The following NUTM2B variants were observed in gnomAD, a reference collection of about 807,000 sequenced individuals.
The protein encoded by NUTM2B is NUT family member 2B.
Under a neutral mutation model 42.4 loss-of-function variants are expected in NUTM2B, and 2 were observed. The ratio of observed to expected loss-of-function variants is 0.05; its 90% CI spans 0.02 to 0.15. The LOEUF (loss-of-function observed/expected upper bound fraction) is 0.15, where lower values mean the gene tolerates loss of function less well. Among genes scored for constraint, NUTM2B ranks in the 10% least tolerant of loss-of-function variants. NUTM2B has a pLI of 1.00. For missense variants in NUTM2B, 58 were observed against 952.6 expected, an observed-to-expected ratio of 0.06 and a Z score of 12.36; for synonymous variants, 18 against 402.4, an observed-to-expected ratio of 0.04 and a Z score of 11.43.
At chr10:79,699,521 C>T (rs531643602), upstream of NUTM2B, among the ~76,000 whole-genome samples, 1 of 152,356 alleles carries the variant, frequency 6.6e-6, no homozygotes, top group South Asian at 2.1e-4. Flanking sequence ...GGGCTCATTG[C>T]AAACTCCGCC....
the NUTM2B span, among the ~76,000 whole-genome samples, chr10:79,692,586 G>A: frequency 6.6e-6 from 1 of 152,110 alleles, no homozygotes; most frequent in African/African-American, 2.4e-5. Flanking sequence ...ACATCTTCTG[G>A]CAATGAAGCT....
the NUTM2B span, among the ~76,000 whole-genome samples, chr10:79,693,090 C>T: frequency 6.6e-6 from 1 of 152,288 alleles, no homozygotes; most frequent in African/African-American, 2.4e-5. Context: ...CACTCCATTC[C>T]CGACCCCCAG....
upstream of NUTM2B, among the ~76,000 whole-genome samples, chr10:79,701,072 T>A (rs912019991): frequency 5.9e-5 from 9 of 152,284 alleles, no homozygotes; most frequent in African/African-American, 2.2e-4. Flanking sequence ...AAGCAAAGTA[T>A]CCTCAAATTG....
At chr10:79,709,586 G>A (rs540050319) in intron 3 of NUTM2B, among the ~76,000 whole-genome samples, 4,056 of 129,930 alleles carry the variant, frequency 0.031, 800 homozygotes, top group African/African-American at 0.12. Flanking sequence ...AGGAAGCCCC[G>A]TTGATGCCAT....
At chr10:79,699,879 C>T (rs1284504270), upstream of NUTM2B, among the ~76,000 whole-genome samples, 4 of 152,164 alleles carry the variant, frequency 2.6e-5, no homozygotes, top group Non-Finnish European at 2.9e-5. Flanking sequence ...TTTTCACATA[C>T]ACAAAACCAC....
the NUTM2B span, among the ~76,000 whole-genome samples, chr10:79,696,479 C>T: frequency 1.3e-5 from 2 of 151,128 alleles, no homozygotes; most frequent in Non-Finnish European, 2.9e-5. Context: ...AACACAACCT[C>T]CTCATATATC....
At chr10:79,700,060 ATAAG>A (rs572708908), upstream of NUTM2B, among the ~76,000 whole-genome samples, 279 of 152,332 alleles carry the variant, frequency 1.8e-3, 2 homozygotes, top group African/African-American at 6.1e-3. Context: ...TAAATCCCAC[ATAAG>A]TAAGCGATTG....
At chr10:79,700,925 G>A (rs2132237279), upstream of NUTM2B, among the ~76,000 whole-genome samples, 1 of 152,306 alleles carries the variant, frequency 6.6e-6, no homozygotes, top group South Asian at 2.1e-4. Flanking sequence ...CCCCCTCATT[G>A]GAACCTCCAT....
chr10:79,695,208 A>G, the NUTM2B span, among the ~76,000 whole-genome samples: 39,231 of 151,556 alleles, frequency 0.26, 5,694 homozygotes, highest in East Asian at 0.69. Context: ...TGCTTTCCAC[A>G]AGAAGTCAGA....
chr10:79,694,926 G>T, the NUTM2B span, among the ~76,000 whole-genome samples: 1 of 151,992 alleles, frequency 6.6e-6, no homozygotes, highest in African/African-American at 2.4e-5. Flanking sequence ...GTGCAACTAA[G>T]ACCTTCACCT....
the NUTM2B span, among the ~76,000 whole-genome samples, chr10:79,692,991 A>G: frequency 6.6e-6 from 1 of 152,208 alleles, no homozygotes; most frequent in African/African-American, 2.4e-5. Flanking sequence ...TGGGCAAGGA[A>G]GGAGAGGCTG....
intron 1 of NUTM2B, 101 bp from the exon 2 acceptor site, chr10:79,705,939 CCT>C (rs1260540210): frequency 1.7e-6 from 1 of 598,372 alleles, no homozygotes; most frequent in African/African-American, 1.9e-5. Flanking sequence ...CTGCAGTTTC[CCT>C]GTCATACGCC....
the NUTM2B span, among the ~76,000 whole-genome samples, chr10:79,695,821 A>T: frequency 6.4e-4 from 97 of 151,662 alleles, no homozygotes; most frequent in Non-Finnish European, 2.1e-4. Context: ...TCTGTCTACC[A>T]GGCCCACCCA....
chr10:79,692,913 CAT>C, the NUTM2B span, among the ~76,000 whole-genome samples: 1,240 of 152,318 alleles, frequency 8.1e-3, 13 homozygotes, highest in African/African-American at 0.028. Context: ...GCAAGAAGGA[CAT>C]AGACCACTGA....
chr10:79,694,237 A>G, the NUTM2B span, among the ~76,000 whole-genome samples: 4 of 152,020 alleles, frequency 2.6e-5, no homozygotes, highest in African/African-American at 9.7e-5. Flanking sequence ...ATCTTTACTA[A>G]AAATACAAAA....
At chr10:79,698,191 C>T in the NUTM2B span, among the ~76,000 whole-genome samples, 59 of 149,898 alleles carry the variant, frequency 3.9e-4, no homozygotes, top group Admixed American at 2.9e-3. Context: ...ACAAAAACAC[C>T]AATAATACTC....
At chr10:79,702,615 T>C (rs1268817445), upstream of NUTM2B, among the ~76,000 whole-genome samples, 1 of 150,516 alleles carries the variant, frequency 6.6e-6, no homozygotes, top group Admixed American at 6.6e-5. Context: ...CAGTGAATGT[T>C]TGCAGTGTGC....
At chr10:79,694,321 C>T in the NUTM2B span, among the ~76,000 whole-genome samples, 38,855 of 150,690 alleles carry the variant, frequency 0.26, 5,674 homozygotes, top group East Asian at 0.69. Flanking sequence ...GGCTTAGAAC[C>T]CGGGAGGCGG....
At chr10:79,692,734 G>T in the NUTM2B span, among the ~76,000 whole-genome samples, 3 of 152,134 alleles carry the variant, frequency 2.0e-5, no homozygotes, top group African/African-American at 7.2e-5. Flanking sequence ...GCTGGGCCTG[G>T]GCTTGTCCCT....
Sources: allele counts gnomAD v4.1 joint callset (sites outside exome capture counted in the v4.1 genomes callset), GRCh38; gene constraint gnomAD v4.1.1; transcripts MANE v1.5; gene names NCBI Gene and HGNC (gene_info 2026-07-23, HGNC 2026-07-21).